RAD50: variants seen among roughly 807,000 people sequenced by gnomAD.
The protein encoded by RAD50 is DNA repair protein RAD50.
RAD50 carries 132 observed loss-of-function variants against 168.8 expected under a neutral mutation model. That is an observed-to-expected ratio of 0.78 (90% CI 0.68 to 0.90). The LOEUF (loss-of-function observed/expected upper bound fraction) is 0.90. RAD50 is among the 40% of genes least tolerant of loss of function. RAD50 has a pLI of 0.00. For missense variants in RAD50, 1,347 were observed against 1,534.4 expected (o/e 0.88, Z 2.04); for synonymous variants, 525 against 497.4 (o/e 1.06, Z -0.74).
intron 2 of RAD50, among the ~76,000 whole-genome samples, chr5:132,573,014 C>T (rs1422667343): frequency 2.0e-5 from 3 of 152,202 alleles, no homozygotes; most frequent in Non-Finnish European, 4.4e-5. Context: ...TAACTTATCA[C>T]ATTTTGGAAC....
In RAD50 at chr5:132,642,246, T is replaced by G; in HGVS notation, c.3821T>G (p.Val1274Gly). The change falls in exon 25 of 25, where the codon GTG becomes GGG. Residue 1274 changes from valine to glycine, a missense_variant. Coordinates refer to ENST00000378823, the MANE Select transcript of RAD50 (RefSeq NM_005732.4). ...LLVITHDEDF[V>G]ELLGRSEYVE... ...GTAATCACTCATGATGAAGATTTTG[T>G]GGAGCTTTTAGGACGTTCTGAATAT... 3 of 1,614,162 alleles carry G rather than the reference T, an allele frequency of 1.9e-6. No homozygotes were observed. Among genetic ancestry groups the G allele is most frequent in the Non-Finnish European group, 2.5e-6 (3 of 1,179,986 alleles).
chr5:132,616,828 G>T, intron 20 of RAD50, among the ~76,000 whole-genome samples: 1 of 152,154 alleles, frequency 6.6e-6, no homozygotes, highest in Non-Finnish European at 1.5e-5. Flanking sequence ...ACCCTTCCTT[G>T]TAGAGTTTTC....
chr5:132,598,329 C>T (rs1750828256), intron 13 of RAD50, among the ~76,000 whole-genome samples: 1 of 152,196 alleles, frequency 6.6e-6, no homozygotes, highest in Non-Finnish European at 1.5e-5. Context: ...GGATTACAGG[C>T]GTGAGCCACC....
chr5:132,577,264 C>T (rs1750416321), intron 3 of RAD50, among the ~76,000 whole-genome samples: 1 of 152,124 alleles, frequency 6.6e-6, no homozygotes, highest in Non-Finnish European at 1.5e-5. Context: ...TCACTGTGAC[C>T]TCTTCTTCTC....
rs1750711214 is a variant in RAD50 at position 132,592,021 on chromosome 5, C to T, written c.1780C>T (p.Leu594Phe). The change falls in exon 11 of 25, where the codon CTT becomes TTT. Residue 594 changes from leucine (L) to phenylalanine (F), a missense_variant. Around this residue, in one of 3 missense-constraint regions of RAD50, gnomAD observed 703 missense variants for 767.7 expected, o/e 0.92. Coordinates refer to ENST00000378823, the MANE Select transcript of RAD50 (RefSeq NM_005732.4). ...AGAAATTAATCAGACCAGGGACAGA[C>T]TTGCCAAATTGAAGTAAGTTGCAAC... Reference protein sequence around the residue: ...SKEINQTRDRLAKLNKELASS... With the variant: ...SKEINQTRDRFAKLNKELASS... 6.2e-7 allele frequency: 1 copy of T among 1,612,520 alleles called. No individual in the cohort carries two copies. The highest frequency in any genetic ancestry group is 1.1e-5 in the South Asian group (1 of 91,042).
intron 2 of RAD50, among the ~76,000 whole-genome samples, chr5:132,566,040 T>C (rs1053389179): frequency 2.0e-5 from 3 of 152,224 alleles, no homozygotes; most frequent in African/African-American, 7.2e-5. Context: ...CTAGATTGTT[T>C]GGAGAAAGAA....
intron 13 of RAD50, among the ~76,000 whole-genome samples, chr5:132,602,268 A>G (rs937309991): frequency 6.6e-6 from 1 of 152,210 alleles, no homozygotes; most frequent in Non-Finnish European, 1.5e-5. Context: ...CTTTAAGTTT[A>G]TAATAAGACT....
intron 2 of RAD50, among the ~76,000 whole-genome samples, chr5:132,575,456 A>G (rs1395337674): frequency 6.6e-6 from 1 of 152,212 alleles, no homozygotes; most frequent in East Asian, 1.9e-4. Flanking sequence ...AAACCAAATC[A>G]TTCTACCTTT....
intron 3 of RAD50, among the ~76,000 whole-genome samples, chr5:132,577,917 C>T (rs547021376): frequency 4.0e-4 from 59 of 147,380 alleles, no homozygotes; most frequent in African/African-American, 1.3e-3. Context: ...CGGGTTTAAG[C>T]GATTCTCCTG....
At chr5:132,636,862 G>A (rs1420351526) in intron 21 of RAD50, among the ~76,000 whole-genome samples, 1 of 152,118 alleles carries the variant, frequency 6.6e-6, no homozygotes, top group Non-Finnish European at 1.5e-5. Flanking sequence ...GTATCCTAGA[G>A]AGTGAATATG....
chr5:132,631,270 A>G (rs1751460081), intron 21 of RAD50, among the ~76,000 whole-genome samples: 1 of 151,842 alleles, frequency 6.6e-6, no homozygotes. Context: ...ACAGGTGCCC[A>G]CCACCACACC....
intron 2 of RAD50, among the ~76,000 whole-genome samples, chr5:132,563,502 A>G (rs1238300596): frequency 6.6e-6 from 1 of 152,232 alleles, no homozygotes; most frequent in Non-Finnish European, 1.5e-5. Context: ...TAGAAAACAT[A>G]GAATAGTTTT....
chr5:132,591,726 G>T (rs1351700286), intron 10 of RAD50, 151 bp from the exon 11 acceptor site: 1 of 643,918 alleles, frequency 1.6e-6, no homozygotes, highest in Non-Finnish European at 2.5e-6. Context: ...CCCACTTGAA[G>T]ACTTTAAGAA....
intron 2 of RAD50, among the ~76,000 whole-genome samples, 168 bp from the exon 3 acceptor site, chr5:132,575,604 ATTAAT>A (rs1750380753): frequency 6.6e-6 from 1 of 152,200 alleles, no homozygotes; most frequent in Non-Finnish European, 1.5e-5. Context: ...ATTTTTGTAA[ATTAAT>A]TAAACAGTAT....
chr5:132,643,340 G>A lies in RAD50; in HGVS notation c.*976G>A. On this transcript the variant is annotated 3_prime_UTR_variant, in exon 25 of 25. Coordinates refer to ENST00000378823, the MANE Select transcript of RAD50 (RefSeq NM_005732.4). ...CCTAATCACAGTTTTTCCTGGAATT[G>A]CCAGCTGACATCTTGAATCCTTCCA... The A allele has an allele frequency of 4.0e-6, 1 of 250,282 alleles. No homozygotes were observed. Among genetic ancestry groups the A allele is most frequent in the Admixed American group, 4.5e-5 (1 of 22,138 alleles). The allele number at this position is 250,282 out of a possible 1,614,324, so 15.5% of individuals were successfully genotyped here.
chr5:132,583,637 G>C (rs1317873940), intron 5 of RAD50, among the ~76,000 whole-genome samples: 1 of 150,880 alleles, frequency 6.6e-6, no homozygotes, highest in East Asian at 1.9e-4. Flanking sequence ...ACAGTATGCA[G>C]ACTTTTGTGT....
At chr5:132,610,036 T>C (rs1210163069) in intron 19 of RAD50, among the ~76,000 whole-genome samples, 1 of 151,402 alleles carries the variant, frequency 6.6e-6, no homozygotes, top group East Asian at 1.9e-4. Context: ...TGTATATATA[T>C]ATATATATAT....
At chr5:132,608,989 C>A in intron 17 of RAD50, 128 bp from the exon 18 acceptor site, 1 of 1,373,592 alleles carries the variant, frequency 7.3e-7, no homozygotes, top group Non-Finnish European at 9.8e-7. Context: ...TGTCTGCGAT[C>A]ATAAAATTCA....
intron 2 of RAD50, among the ~76,000 whole-genome samples, chr5:132,572,553 A>AT (rs1750325042): frequency 6.6e-6 from 1 of 152,234 alleles, no homozygotes. Flanking sequence ...GACCATATTA[A>AT]TATAAGACAG....
Sources: allele counts gnomAD v4.1 joint callset (sites outside exome capture counted in the v4.1 genomes callset), GRCh38; gene constraint gnomAD v4.1.1; regional missense constraint gnomAD v4.1.1; transcripts MANE v1.5; gene names NCBI Gene and HGNC (gene_info 2026-07-23, HGNC 2026-07-21).